The following KIF24 variants were observed in gnomAD, a reference collection of about 807,000 sequenced individuals.
KIF24 encodes the protein kinesin-like protein KIF24.
A neutral mutation model predicts 118.9 loss-of-function variants in KIF24; 81 were observed. The observed-to-expected ratio is 0.68, with a 90% CI of 0.57 to 0.82. KIF24 has a LOEUF of 0.82. Among genes scored for constraint, KIF24 ranks in the 40% least tolerant of loss-of-function variants. The pLI is 0.00. For synonymous variants in KIF24, 599 were observed against 610.0 expected (o/e 0.98, Z 0.27); for missense variants, 1,560 against 1,661.6 (o/e 0.94, Z 1.06).
At chr9:34,267,924 T>C (rs778751335) in intron 8 of KIF24, among the ~76,000 whole-genome samples, 46 of 152,232 alleles carry the variant, frequency 3.0e-4, no homozygotes, top group Admixed American at 1.2e-3. Context: ...GTGGCAAATC[T>C]TACAGGACAA....
chr9:34,291,516 T>G (rs753908574), intron 4 of KIF24, among the ~76,000 whole-genome samples: 5 of 152,234 alleles, frequency 3.3e-5, no homozygotes, highest in Non-Finnish European at 7.3e-5. Flanking sequence ...TGCCCTATGA[T>G]TCTAAGTGAG....
At position 34,278,124 on chromosome 9, in the gene KIF24, A is replaced by T. The variant is rs144996635; in HGVS notation, c.1216-6194T>A. 3.7e-3 allele frequency among the ~76,000 whole-genome samples: 552 copies of T among 151,158 alleles called. 1 individual carries two copies. Among genetic ancestry groups the T allele is most frequent in the African/African-American group, 0.013 (537 of 41,164 alleles). On this transcript the variant is annotated intron_variant, in intron 6 of 12. Transcript: ENST00000402558. ...CCCCATCTCTATTAAAAATACAAAA[A>T]TTGGCCGGGCACGGTGGCTCACGTC...
At chr9:34,295,191 GGATA>G (rs774480678) in intron 4 of KIF24, among the ~76,000 whole-genome samples, 12 of 109,514 alleles carry the variant, frequency 1.1e-4, no homozygotes, top group African/African-American at 3.2e-4. Flanking sequence ...TTGGATGGAT[GGATA>G]GACAGACAGA....
chr9:34,257,421 TG>T lies in KIF24; in HGVS notation c.2185del (p.His729ThrfsTer53). The T allele has an allele frequency of 6.2e-7, 1 of 1,614,036 alleles. No homozygotes were observed. Among genetic ancestry groups the T allele is most frequent in the Non-Finnish European group, 8.5e-7 (1 of 1,179,900 alleles). On this transcript the variant is annotated frameshift_variant, in exon 11 of 13. Transcript: ENST00000402558. LOFTEE classifies it high-confidence loss of function. ...RVELSFGNAH[H>X]RAEYSQDSQR... ...GCTGTCTTGACTGTACTCAGCCCTG[TG>T]GTGGGCGTTGCCAAAGGAGAGCTCA...
Position 34,257,167 on chromosome 9 carries a change from T to C in KIF24, c.2440A>G (p.Asn814Asp). The C allele has an allele frequency of 6.2e-7, 1 of 1,614,026 alleles. No homozygotes were observed. Among genetic ancestry groups the C allele is most frequent in the Non-Finnish European group, 8.5e-7 (1 of 1,179,902 alleles). ...TCCTCTACTTGGGCTCCATCATGGT[T>C]TTCAGAGTAAGAGTGGAACAGAGGC... ...TPPLFHSYSE[N>D]HDGAQVEELD... The change falls in exon 11 of 13, where the codon AAC becomes GAC. Residue 814 changes from asparagine (N) to aspartate (D), a missense_variant. This residue lies in a region of KIF24 where 964 missense variants were observed against 988.0 expected (regional missense o/e 0.98). Transcript: ENST00000402558.
In KIF24 at chr9:34,257,298, T is replaced by TAG. The variant is rs1198821094; in HGVS notation, c.2308_2309insCT (p.Gln770ProfsTer13). ...TTGGAGGAGAGGTGGCTGTTGGAAC[T>TAG]GCTGGTGATAGAAACGCAGATGTTC... On this transcript the variant is annotated frameshift_variant, in exon 11 of 13. Coordinates refer to ENST00000402558, the MANE Select transcript of KIF24 (RefSeq NM_194313.4). LOFTEE classifies it high-confidence loss of function. 6.2e-7 allele frequency: 1 copy of TAG among 1,614,086 alleles called. No homozygotes were observed. Among genetic ancestry groups the TAG allele is most frequent in the South Asian group, 1.1e-5 (1 of 91,090 alleles).
intron 3 of KIF24, among the ~76,000 whole-genome samples, chr9:34,302,477 T>G (rs866283891): frequency 6.6e-6 from 1 of 150,398 alleles, no homozygotes; most frequent in African/African-American, 2.4e-5. Context: ...CAATTTTTTT[T>G]TTTTTTGAGA....
chr9:34,329,027 C>G (rs751651653), intron 1 of KIF24, among the ~76,000 whole-genome samples, 79 bp downstream of exon 1: 1 of 152,268 alleles, frequency 6.6e-6, no homozygotes, highest in African/African-American at 2.4e-5. Flanking sequence ...GCCGACGTCA[C>G]GCGCACCCGT....
intron 6 of KIF24, among the ~76,000 whole-genome samples, chr9:34,284,372 G>A (rs1835960361): frequency 6.6e-6 from 1 of 152,112 alleles, no homozygotes; most frequent in Admixed American, 6.6e-5. Flanking sequence ...GCTCTGTACA[G>A]AAATACATGT....
At chr9:34,293,905 C>T (rs1025152766) in intron 4 of KIF24, among the ~76,000 whole-genome samples, 1 of 152,202 alleles carries the variant, frequency 6.6e-6, no homozygotes, top group African/African-American at 2.4e-5. Flanking sequence ...TATTGCAGAA[C>T]TACAATTCTC....
chr9:34,286,467 A>G (rs1022645513), intron 6 of KIF24, 150 bp downstream of exon 6: 13 of 578,518 alleles, frequency 2.2e-5, no homozygotes, highest in Non-Finnish European at 3.7e-5. Context: ...CTCTCAGAAA[A>G]GAATTCACAT....
chr9:34,271,249 CT>C (rs1248822544), intron 7 of KIF24, among the ~76,000 whole-genome samples: 1 of 148,790 alleles, frequency 6.7e-6, no homozygotes, highest in Non-Finnish European at 1.5e-5. Flanking sequence ...TCCCAAAAGG[CT>C]AAATGACCAC....
chr9:34,322,332 TC>T (rs1442457650), intron 1 of KIF24, among the ~76,000 whole-genome samples: 4 of 151,664 alleles, frequency 2.6e-5, no homozygotes, highest in Admixed American at 6.6e-5. Flanking sequence ...ACTCCCAATT[TC>T]CCCCCAACCC....
At chr9:34,272,499 G>T (rs1733475274) in intron 6 of KIF24, among the ~76,000 whole-genome samples, 1 of 152,200 alleles carries the variant, frequency 6.6e-6, no homozygotes, top group African/African-American at 2.4e-5. Context: ...CGGCCATCAT[G>T]GAATGGGGCA....
chr9:34,284,793 T>C (rs1302499883), intron 6 of KIF24, among the ~76,000 whole-genome samples: 2 of 152,220 alleles, frequency 1.3e-5, no homozygotes, highest in Non-Finnish European at 2.9e-5. Context: ...TTTCTTGATC[T>C]GAGTAGCTGA....
chr9:34,301,248 CCA>C (rs1836695892), intron 3 of KIF24, among the ~76,000 whole-genome samples: 2 of 152,012 alleles, frequency 1.3e-5, no homozygotes, highest in South Asian at 4.2e-4. Flanking sequence ...AATCAGAGTT[CCA>C]CAGTTTATTT....
chr9:34,286,261 G>A (rs1426974656), intron 6 of KIF24, among the ~76,000 whole-genome samples: 1 of 152,104 alleles, frequency 6.6e-6, no homozygotes, highest in African/African-American at 2.4e-5. Context: ...TTGAACCCAC[G>A]AGGCAGAGGT....
chr9:34,323,267 T>C (rs1313717504), intron 1 of KIF24, among the ~76,000 whole-genome samples: 2 of 152,126 alleles, frequency 1.3e-5, no homozygotes, highest in Admixed American at 6.5e-5. Context: ...AGAAAAAAAA[T>C]AGTTTCAAGT....
At chr9:34,294,589 A>ATATTT (rs1836392133) in intron 4 of KIF24, among the ~76,000 whole-genome samples, 2 of 152,320 alleles carry the variant, frequency 1.3e-5, no homozygotes, top group South Asian at 4.1e-4. Flanking sequence ...TAAAGTCCAA[A>ATATTT]GCCGGAAACA....
Sources: allele counts gnomAD v4.1 joint callset (sites outside exome capture counted in the v4.1 genomes callset), GRCh38; gene constraint gnomAD v4.1.1; regional missense constraint gnomAD v4.1.1; transcripts MANE v1.5; gene names NCBI Gene and HGNC (gene_info 2026-07-23, HGNC 2026-07-21).